FLNB: variants seen among roughly 807,000 people sequenced by gnomAD.
The protein encoded by FLNB is filamin B.
A neutral mutation model predicts 250.6 loss-of-function variants in FLNB; 111 were observed. The ratio of observed to expected loss-of-function variants is 0.44; its 90% CI spans 0.38 to 0.52. The LOEUF (loss-of-function observed/expected upper bound fraction) is 0.52, where lower values mean the gene tolerates loss of function less well. Among genes scored for constraint, FLNB ranks in the 20% least tolerant of loss-of-function variants. The probability of loss-of-function intolerance (pLI) is 0.00; values close to 1 mark genes in which losing one functional copy is unlikely to be tolerated. For missense variants in FLNB, 2,869 were observed against 3,447.8 expected (o/e 0.83, Z 4.20); for synonymous variants, 1,302 against 1,372.1 (o/e 0.95, Z 1.13).
intron 41 of FLNB, 119 bp from the exon 42 acceptor site, chr3:58,159,435 G>A (rs1167732872): frequency 5.9e-6 from 6 of 1,016,506 alleles, no homozygotes; most frequent in Non-Finnish European, 9.3e-6. Context: ...GTTGTCATAT[G>A]TTATATAGAA....
At chr3:58,041,973 A>C (rs2097146707) in intron 1 of FLNB, among the ~76,000 whole-genome samples, 1 of 152,136 alleles carries the variant, frequency 6.6e-6, no homozygotes, top group Non-Finnish European at 1.5e-5. Flanking sequence ...GACTCATTAG[A>C]GAGTTTAGAG....
chr3:58,111,751 C>T (rs1463126733), intron 16 of FLNB, 40 bp from the exon 17 acceptor site: 1 of 1,497,772 alleles, frequency 6.7e-7, no homozygotes, highest in African/African-American at 1.4e-5. Flanking sequence ...CTGGCTGTTG[C>T]TTCAGGGGCT....
At chr3:58,100,373 A>AAAAAAATATATATATATATAT in intron 8 of FLNB, among the ~76,000 whole-genome samples, 2,000 of 104,300 alleles carry the variant, frequency 0.019, 63 homozygotes, top group East Asian at 0.034. Context: ...GTAAAAAAAA[A>AAAAAAATATATATATATATAT]ATATATATAT....
In FLNB at chr3:58,093,249, C is replaced by T. The variant is rs139596379; in HGVS notation, c.788-1587C>T. ...GGGCAAAGTTTAGAGGCGTTTTGAA[C>T]ACAGGAGCGTCTGTCCCCATGAAGT... On this transcript the variant is annotated intron_variant, in intron 4 of 45. Coordinates refer to ENST00000295956, the MANE Select transcript of FLNB (RefSeq NM_001457.4). 3.9e-3 allele frequency among the ~76,000 whole-genome samples: 589 copies of T among 152,268 alleles called. 5 individuals are homozygous for T. Among genetic ancestry groups the T allele is most frequent in the Middle Eastern group, 0.024 (7 of 294 alleles).
intron 37 of FLNB, 39 bp from the exon 38 acceptor site, chr3:58,150,066 C>A: frequency 6.2e-7 from 1 of 1,614,260 alleles, no homozygotes; most frequent in African/African-American, 1.3e-5. Flanking sequence ...TGTGCCTTGG[C>A]CTCTGGCCTG....
At chr3:58,095,728 T>A (rs572769673) in intron 5 of FLNB, among the ~76,000 whole-genome samples, 32 of 152,370 alleles carry the variant, frequency 2.1e-4, no homozygotes, top group African/African-American at 6.5e-4. Context: ...AATTTGCAAT[T>A]CTAAGTTTAC....
intron 21 of FLNB, among the ~76,000 whole-genome samples, chr3:58,123,953 C>G (rs2097293390): frequency 6.6e-6 from 1 of 152,142 alleles, no homozygotes; most frequent in African/African-American, 2.4e-5. Flanking sequence ...AGCAGAATCT[C>G]TAGTTTTTTG....
At chr3:58,045,109 T>G (rs1273095719) in intron 1 of FLNB, among the ~76,000 whole-genome samples, 1 of 152,158 alleles carries the variant, frequency 6.6e-6, no homozygotes, top group African/African-American at 2.4e-5. Context: ...CTGACCTCTA[T>G]TAGGTGTAAA....
Position 58,169,281 on chromosome 3 carries a change from A to G in FLNB, c.7418-309A>G, listed in dbSNP as rs936189139. The G allele has an allele frequency of 4.0e-5, 17 of 424,734 alleles. No homozygotes were observed. The highest frequency in any genetic ancestry group is 1.1e-4 in the Admixed American group (3 of 27,702). The allele number at this position is 424,734 out of a possible 1,614,324, so 26.3% of individuals were successfully genotyped here. On this transcript the variant is annotated intron_variant, in intron 44 of 45. Coordinates refer to ENST00000295956, the MANE Select transcript of FLNB (RefSeq NM_001457.4). The surrounding 1 kb of genome is among the most constrained non-coding windows in gnomAD (Gnocchi z 4.8). The stretch of plus-strand genomic sequence containing the variant: ...CTTATACATAGACTATTTTATGTCA[A>G]TAGAAAGATGTGAATTCCACAGGCA...
At chr3:58,099,542 C>CTGTTT (rs575161175) in intron 8 of FLNB, among the ~76,000 whole-genome samples, 2,085 of 152,096 alleles carry the variant, frequency 0.014, 22 homozygotes, top group Non-Finnish European at 0.021. Flanking sequence ...CCCTTTTTTT[C>CTGTTT]TGTTTTGTTT....
chr3:58,144,556 C>T (rs1021316157), intron 32 of FLNB, among the ~76,000 whole-genome samples: 7 of 152,314 alleles, frequency 4.6e-5, no homozygotes, highest in Middle Eastern at 3.4e-3. Context: ...AGTGTTGCTG[C>T]GCAAATCGAC....
intron 5 of FLNB, 28 bp downstream of exon 5, chr3:58,094,982 T>C: frequency 6.5e-7 from 1 of 1,538,080 alleles, no homozygotes; most frequent in Non-Finnish European, 9.0e-7. Flanking sequence ...GCCTCTCCTT[T>C]CCAGCACCTC....
intron 1 of FLNB, among the ~76,000 whole-genome samples, chr3:58,062,055 C>T (rs559646222): frequency 6.8e-4 from 103 of 152,240 alleles, no homozygotes; most frequent in African/African-American, 2.4e-3. Context: ...CATGCCACTG[C>T]ACTCCAGCCT....
chr3:58,130,331 G>A (rs1194289547), intron 24 of FLNB, among the ~76,000 whole-genome samples: 1 of 152,110 alleles, frequency 6.6e-6, no homozygotes, highest in Non-Finnish European at 1.5e-5. Flanking sequence ...GCACCTCTCT[G>A]TCTGCTCCCT....
chr3:58,083,257 T>A (rs866136055), intron 4 of FLNB, among the ~76,000 whole-genome samples: 73 of 136,838 alleles, frequency 5.3e-4, no homozygotes, highest in African/African-American at 1.8e-3. Context: ...TTTTTTTTTT[T>A]AAATGACACT....
At chr3:58,010,118 G>A (rs1422421331) in intron 1 of FLNB, among the ~76,000 whole-genome samples, 2 of 143,300 alleles carry the variant, frequency 1.4e-5, no homozygotes, top group Non-Finnish European at 3.0e-5. Context: ...ATGTGTGTGT[G>A]TGTATGTGGG....
chr3:58,134,534 T>A, intron 26 of FLNB, 82 bp from the exon 27 acceptor site: 3 of 1,517,394 alleles, frequency 2.0e-6, no homozygotes, highest in Non-Finnish European at 2.7e-6. Flanking sequence ...TCCATCCCAC[T>A]CTTATGTGTA....
intron 1 of FLNB, among the ~76,000 whole-genome samples, chr3:58,040,088 T>C (rs1378224473): frequency 6.6e-6 from 1 of 152,156 alleles, no homozygotes; most frequent in Admixed American, 6.5e-5. Flanking sequence ...GAGGTTGCAG[T>C]GAGCTGAGAC....
At chr3:58,137,637 T>C (rs907379662) in intron 28 of FLNB, among the ~76,000 whole-genome samples, 1 of 152,194 alleles carries the variant, frequency 6.6e-6, no homozygotes, top group African/African-American at 2.4e-5. Context: ...GTGGATCCTG[T>C]GTAAAGGGGC....
Sources: gnomAD v4.1 joint callset for allele counts (sites outside exome capture counted in the v4.1 genomes callset) on GRCh38, gnomAD v4.1.1 for gene constraint, Gnocchi (gnomAD v3.1) non-coding constraint, MANE v1.5 for transcripts, NCBI Gene and HGNC (gene_info 2026-07-23, HGNC 2026-07-21) for gene names.